Variants in HDGFL3 observed in about 807,000 individuals in gnomAD.
HDGFL3 encodes the protein hepatoma-derived growth factor-related protein 3.
Under a neutral mutation model 27.6 loss-of-function variants are expected in HDGFL3, and 6 were observed. The observed-to-expected ratio is 0.22, with a 90% confidence interval of 0.12 to 0.43. The LOEUF (loss-of-function observed/expected upper bound fraction) is 0.43. HDGFL3 is among the 20% of genes least tolerant of loss of function. HDGFL3 has a pLI of 1.00. For missense variants in HDGFL3, 207 were observed against 250.1 expected, an observed-to-expected ratio of 0.83 and a Z score of 1.16; for synonymous variants, 88 against 88.9, an observed-to-expected ratio of 0.99 and a Z score of 0.05.
rs1447345253 is a variant in HDGFL3, at chr15:83,130,191, A to C, written c.*9079T>G. The C allele has an allele frequency of 6.6e-6, 1 of 152,344 alleles. No homozygotes were observed. Among genetic ancestry groups the C allele is most frequent in the Non-Finnish European group, 1.5e-5 (1 of 68,126 alleles). 9.4% of individuals were successfully genotyped at this position (152,344 alleles called of 1,614,324 possible). A position where few individuals can be genotyped will look rare whatever the true frequency, so the allele number is the denominator to read the frequency against. Reference sequence around the variant, plus strand: ...ATGGAAACAGCAGGAAAACCTAGGCAAAAGCCTAGTCACATGGCCAGGGTC... The same window carrying C: ...ATGGAAACAGCAGGAAAACCTAGGCCAAAGCCTAGTCACATGGCCAGGGTC... On this transcript the variant is annotated 3_prime_UTR_variant, in exon 6 of 6. Coordinates refer to ENST00000299633, the MANE Select transcript of HDGFL3 (RefSeq NM_016073.4).
Position 83,139,025 on chromosome 15 carries a change from T to C in HDGFL3, c.*245A>G, listed in dbSNP as rs566477052. 59 of 311,218 alleles carry C rather than the reference T, an allele frequency of 1.9e-4. No individual in the cohort carries two copies. Among genetic ancestry groups the C allele is most frequent in the Non-Finnish European group, 3.1e-4 (52 of 168,326 alleles). The allele number at this position is 311,218 out of a possible 1,614,324, so 19.3% of individuals were successfully genotyped here. A position where few individuals can be genotyped will look rare whatever the true frequency, so the allele number is the denominator to read the frequency against. On this transcript the variant is annotated 3_prime_UTR_variant, in exon 6 of 6. Coordinates refer to ENST00000299633, the MANE Select transcript of HDGFL3 (RefSeq NM_016073.4). ...GCGCAAAAATCTTGATAATCCTTAG[T>C]GGTTAAGGGCAACTTCATGCAACCA...
chr15:83,177,300 C>G (rs1276588991), intron 1 of HDGFL3, among the ~76,000 whole-genome samples: 1 of 152,192 alleles, frequency 6.6e-6, no homozygotes, highest in Non-Finnish European at 1.5e-5. Flanking sequence ...TTTTAAAACA[C>G]CTATTTGTCC....
intron 1 of HDGFL3, among the ~76,000 whole-genome samples, chr15:83,173,987 G>C (rs72758308): frequency 0.045 from 6,886 of 152,252 alleles, 217 homozygotes; most frequent in Non-Finnish European, 0.069. Flanking sequence ...ATCTGTCACA[G>C]AGCAAAGATG....
intron 3 of HDGFL3, chr15:83,119,698 G>T: frequency 6.2e-7 from 1 of 1,613,656 alleles, no homozygotes; most frequent in Non-Finnish European, 8.5e-7. Flanking sequence ...CAGTTCACCT[G>T]GTGTGTGCCT....
intron 5 of HDGFL3, among the ~76,000 whole-genome samples, chr15:83,142,346 T>TA (rs553102910): frequency 1.5e-3 from 232 of 152,208 alleles, no homozygotes; most frequent in African/African-American, 5.2e-3. Flanking sequence ...ATGCAGCCAT[T>TA]AAAAAGAGTG....
At chr15:83,198,952 T>TGC (rs1395440433) in intron 1 of HDGFL3, among the ~76,000 whole-genome samples, 1 of 152,174 alleles carries the variant, frequency 6.6e-6, no homozygotes, top group Non-Finnish European at 1.5e-5. Context: ...AGTGTGTGTG[T>TGC]GCATGCATGT....
intron 5 of HDGFL3, among the ~76,000 whole-genome samples, chr15:83,141,250 G>A (rs2036764901): frequency 6.6e-6 from 1 of 152,068 alleles, no homozygotes; most frequent in Non-Finnish European, 1.5e-5. Context: ...TTAGATAATG[G>A]CTGAAGAATC....
At chr15:83,170,501 T>A (rs949818702) in intron 1 of HDGFL3, among the ~76,000 whole-genome samples, 3 of 152,180 alleles carry the variant, frequency 2.0e-5, no homozygotes, top group Non-Finnish European at 4.4e-5. Context: ...GGTGCTGGGA[T>A]AGCTGGCTAC....
intron 1 of HDGFL3, among the ~76,000 whole-genome samples, chr15:83,177,436 G>A (rs1189684280): frequency 6.6e-6 from 1 of 152,136 alleles, no homozygotes; most frequent in African/African-American, 2.4e-5. Flanking sequence ...AAGGTCCACT[G>A]TTAAGCTAGT....
At chr15:83,140,116 A>T (rs1241545973) in intron 5 of HDGFL3, among the ~76,000 whole-genome samples, 1 of 152,066 alleles carries the variant, frequency 6.6e-6, no homozygotes, top group Non-Finnish European at 1.5e-5. Context: ...TTGTAAGCAC[A>T]TGTGCACACT....
intron 1 of HDGFL3, among the ~76,000 whole-genome samples, chr15:83,172,712 T>C (rs1386027865): frequency 6.6e-6 from 1 of 150,498 alleles, no homozygotes; most frequent in Non-Finnish European, 1.5e-5. Context: ...TCCAAGCTAC[T>C]GAGAAGGCTG....
intron 1 of HDGFL3, among the ~76,000 whole-genome samples, chr15:83,181,794 A>G (rs375943833): frequency 3.9e-5 from 6 of 152,076 alleles, no homozygotes; most frequent in East Asian, 3.9e-4. Flanking sequence ...CACATTTTAA[A>G]TTGAGTTGTC....
At chr15:83,120,365 C>T (rs1003687699) in intron 3 of HDGFL3, among the ~76,000 whole-genome samples, 1 of 152,212 alleles carries the variant, frequency 6.6e-6, no homozygotes, top group African/African-American at 2.4e-5. Flanking sequence ...CATGGTGGCA[C>T]ACCCACAGCT....
chr15:83,207,253 T>G lies in HDGFL3; in HGVS notation c.84+78A>C. ...AGCTGCGGGCTCGGGGCTGAGGCGA[T>G]GGGGAAAGGGGGCGGGCGCGCCATC... On this transcript the variant is annotated intron_variant, in intron 1 of 5. Transcript: ENST00000299633. The surrounding 1 kb of genome is among the most constrained non-coding windows in gnomAD (Gnocchi z 4.8). The G allele has an allele frequency of 1.4e-4, 136 of 965,384 alleles. No individual in the cohort carries two copies. The highest frequency in any genetic ancestry group is 1.6e-4 in the Non-Finnish European group (113 of 725,932). 59.8% of individuals were successfully genotyped at this position (965,384 alleles called of 1,614,324 possible).
intron 2 of HDGFL3, among the ~76,000 whole-genome samples, chr15:83,162,346 C>G (rs1273556227): frequency 6.6e-6 from 1 of 151,982 alleles, no homozygotes; most frequent in Non-Finnish European, 1.5e-5. Flanking sequence ...TAATTCTCCC[C>G]CAGGTATTTT....
intron 1 of HDGFL3, among the ~76,000 whole-genome samples, chr15:83,196,340 A>G (rs1439961387): frequency 6.6e-6 from 1 of 151,992 alleles, no homozygotes; most frequent in East Asian, 1.9e-4. Flanking sequence ...TCACATATGA[A>G]AAGAACACTA....
intron 1 of HDGFL3, among the ~76,000 whole-genome samples, chr15:83,194,066 G>A (rs1567177514): frequency 1.3e-5 from 2 of 152,104 alleles, no homozygotes; most frequent in Admixed American, 6.5e-5. Context: ...TCAACTTCTG[G>A]CTACCTACTC....
rs977817783 is a variant in HDGFL3 at position 83,139,058 on chromosome 15, T to A, written c.*212A>T. The A allele has an allele frequency of 8.7e-6, 3 of 343,918 alleles. No homozygotes were observed. Among genetic ancestry groups the A allele is most frequent in the Non-Finnish European group, 1.6e-5 (3 of 188,216 alleles). The allele number at this position is 343,918 out of a possible 1,614,324, so 21.3% of individuals were successfully genotyped here. ...GGCAACTTCATGCAACCAAATAACATGAAATTAAATCAGTAACTTTTAAAA... is the reference window on the plus strand; with the variant it reads ...GGCAACTTCATGCAACCAAATAACAAGAAATTAAATCAGTAACTTTTAAAA... On this transcript the variant is annotated 3_prime_UTR_variant, in exon 6 of 6. Coordinates refer to ENST00000299633, the MANE Select transcript of HDGFL3 (RefSeq NM_016073.4).
rs1476721760 is a variant in HDGFL3, at chr15:83,151,306, T to C, written c.515A>G (p.Lys172Arg). The change falls in exon 5 of 6, where the codon AAA becomes AGA. Residue 172 changes from lysine to arginine, a missense_variant. By Grantham distance (26) the Lys-to-Arg change is conservative. Transcript: ENST00000299633. ...SPGDEDDKDC[K>R]EEENKSSSEG... The stretch of plus-strand genomic sequence containing the variant: ...AGAGCTGCTTTTGTTTTCCTCTTCT[T>C]TGCAGTCTTTGTCATCTTCATCTCC... 2 of 1,613,476 alleles carry C rather than the reference T, an allele frequency of 1.2e-6. No homozygotes were observed. The highest frequency in any genetic ancestry group is 1.7e-6 in the Non-Finnish European group (2 of 1,179,694).
Sources: allele counts gnomAD v4.1 joint callset (sites outside exome capture counted in the v4.1 genomes callset), GRCh38; gene constraint gnomAD v4.1.1; non-coding constraint Gnocchi (gnomAD v3.1); transcripts MANE v1.5; gene names NCBI Gene and HGNC (gene_info 2026-07-23, HGNC 2026-07-21).